GRM7: variants seen among roughly 807,000 people sequenced by gnomAD.
GRM7 encodes metabotropic glutamate receptor 7.
A neutral mutation model predicts 84.5 loss-of-function variants in GRM7; 35 were observed. The ratio of observed to expected loss-of-function variants is 0.41; its 90% confidence interval spans 0.32 to 0.55. The LOEUF is 0.55. Among genes scored for constraint, GRM7 ranks in the 20% least tolerant of loss-of-function variants. GRM7 has a pLI of 0.19. For missense variants in GRM7, 1,003 were observed against 1,194.6 expected (o/e 0.84, Z 2.36); for synonymous variants, 487 against 455.1 (o/e 1.07, Z -0.89).
chr3:7,469,204 G>T (rs7623055), intron 7 of GRM7, among the ~76,000 whole-genome samples: 82,584 of 152,062 alleles, frequency 0.54, 25,821 homozygotes, highest in African/African-American at 0.87. Context: ...ATCAGAGGAT[G>T]CAACCAGACT....
intron 7 of GRM7, among the ~76,000 whole-genome samples, chr3:7,512,632 A>G (rs1199802591): frequency 6.8e-6 from 1 of 148,052 alleles, no homozygotes; most frequent in Non-Finnish European, 1.5e-5. Context: ...TGGGAATTTG[A>G]GAGATTGGTG....
chr3:6,966,011 T>C (rs530547738), intron 1 of GRM7, among the ~76,000 whole-genome samples: 3 of 152,276 alleles, frequency 2.0e-5, no homozygotes, highest in East Asian at 3.9e-4. Context: ...ATCTGAAAGA[T>C]TTTCAGATCT....
chr3:6,993,751 A>G (rs1694732736), intron 1 of GRM7, among the ~76,000 whole-genome samples: 1 of 152,212 alleles, frequency 6.6e-6, no homozygotes, highest in African/African-American at 2.4e-5. Context: ...TAATGAAATT[A>G]TGGTGTTCAA....
chr3:7,660,996 C>A (rs3910541), intron 8 of GRM7, among the ~76,000 whole-genome samples: 17,635 of 152,122 alleles, frequency 0.12, 1,856 homozygotes, highest in African/African-American at 0.28. Flanking sequence ...AACATAAAAC[C>A]TAAACTATAA....
In GRM7 at chr3:7,298,884, A is replaced by G. The variant is rs376715853; in HGVS notation, c.878+59A>G. ...TGTTGCAATTTTAGGAGAGAGAAAG[A>G]TTAGGCTGCTGGCTGAGACAGGAAA... On this transcript the variant is annotated intron_variant, in intron 3 of 9. Transcript: ENST00000357716. 1,315 of 1,430,812 alleles carry G rather than the reference A, an allele frequency of 9.2e-4. 24 individuals are homozygous for G. In the South Asian group the frequency reaches 0.013, roughly 14 times the overall value. The allele number at this position is 1,430,812 out of a possible 1,614,324, so 88.6% of individuals were successfully genotyped here. A position where few individuals can be genotyped will look rare whatever the true frequency, so the allele number is the denominator to read the frequency against.
chr3:7,254,539 T>C (rs1293178001), intron 2 of GRM7, among the ~76,000 whole-genome samples: 1 of 152,206 alleles, frequency 6.6e-6, no homozygotes, highest in African/African-American at 2.4e-5. Flanking sequence ...TCTGTCGTAA[T>C]TACCCAAATC....
At chr3:6,906,929 G>A (rs1696599084) in intron 1 of GRM7, among the ~76,000 whole-genome samples, 1 of 152,122 alleles carries the variant, frequency 6.6e-6, no homozygotes, top group South Asian at 2.1e-4. Flanking sequence ...GATGAATTTG[G>A]ACATATGCGA....
intron 1 of GRM7, among the ~76,000 whole-genome samples, chr3:6,924,947 A>G (rs1697248324): frequency 6.6e-6 from 1 of 152,008 alleles, no homozygotes; most frequent in Non-Finnish European, 1.5e-5. Context: ...ATGACCCTTG[A>G]CTCTTGTTTC....
At chr3:6,869,976 G>A (rs1695066483) in intron 1 of GRM7, among the ~76,000 whole-genome samples, 1 of 151,680 alleles carries the variant, frequency 6.6e-6, no homozygotes, top group African/African-American at 2.4e-5. Context: ...GGACACATCA[G>A]TAAAAAAGTA....
chr3:7,693,205 A>G (rs1700874857), intron 9 of GRM7, among the ~76,000 whole-genome samples: 2 of 152,162 alleles, frequency 1.3e-5, no homozygotes, highest in South Asian at 4.2e-4. Context: ...TCAGAGTTCA[A>G]ACGATGAGTC....
At chr3:7,390,843 C>T (rs192129128) in intron 4 of GRM7, among the ~76,000 whole-genome samples, 32 of 152,114 alleles carry the variant, frequency 2.1e-4, no homozygotes, top group Middle Eastern at 3.4e-3. Context: ...CTATATCTGT[C>T]ATTCCAGACA....
At chr3:7,210,588 T>TG (rs1696388724) in intron 2 of GRM7, among the ~76,000 whole-genome samples, 1 of 152,088 alleles carries the variant, frequency 6.6e-6, no homozygotes, top group Non-Finnish European at 1.5e-5. Flanking sequence ...TTTTTGTAAT[T>TG]TAAGATCCTG....
chr3:7,694,574 G>C (rs1472152741), intron 9 of GRM7: 2 of 160,826 alleles, frequency 1.2e-5, no homozygotes, highest in African/African-American at 4.8e-5. Context: ...CATTTTTGGA[G>C]CAATGATGCC....
intron 1 of GRM7, among the ~76,000 whole-genome samples, chr3:7,036,970 A>T (rs1696411490): frequency 6.6e-6 from 1 of 152,228 alleles, no homozygotes; most frequent in Non-Finnish European, 1.5e-5. Context: ...ATAATGAGTG[A>T]TTAATGGATC....
At chr3:7,164,431 T>C (rs762679413) in intron 2 of GRM7, among the ~76,000 whole-genome samples, 4 of 152,200 alleles carry the variant, frequency 2.6e-5, no homozygotes, top group African/African-American at 4.8e-5. Flanking sequence ...GACACTTGCA[T>C]TGGTGAAGGA....
chr3:7,316,449 A>G (rs2125047749), intron 4 of GRM7, among the ~76,000 whole-genome samples: 1 of 152,298 alleles, frequency 6.6e-6, no homozygotes, highest in African/African-American at 2.4e-5. Flanking sequence ...CACCGCAACA[A>G]AAAACAAATG....
intron 8 of GRM7, among the ~76,000 whole-genome samples, chr3:7,622,414 CAT>C (rs1380037864): frequency 6.6e-6 from 1 of 152,074 alleles, no homozygotes; most frequent in Non-Finnish European, 1.5e-5. Flanking sequence ...GATGCATTAT[CAT>C]GTGGGAAGGC....
At chr3:7,054,359 G>A (rs1559409125) in intron 1 of GRM7, among the ~76,000 whole-genome samples, 1 of 149,036 alleles carries the variant, frequency 6.7e-6, no homozygotes, top group African/African-American at 2.4e-5. Context: ...TATGATATAT[G>A]TATGATATAT....
intron 7 of GRM7, among the ~76,000 whole-genome samples, chr3:7,501,777 T>C (rs1045700150): frequency 6.6e-6 from 1 of 152,210 alleles, no homozygotes; most frequent in Non-Finnish European, 1.5e-5. Flanking sequence ...TACAGATTGA[T>C]ACAAGGCACT....
Sources: allele counts gnomAD v4.1 joint callset (sites outside exome capture counted in the v4.1 genomes callset), GRCh38; gene constraint gnomAD v4.1.1; transcripts MANE v1.5; gene names NCBI Gene and HGNC (gene_info 2026-07-23, HGNC 2026-07-21).